The following LYPD6B variants were observed in gnomAD, a reference collection of about 807,000 sequenced individuals.
LYPD6B encodes the protein LY6/PLAUR domain containing 6B, also known as ly6/PLAUR domain-containing protein 6B.
In LYPD6B, 17 loss-of-function variants were observed where a neutral mutation model predicts 22.8. The observed-to-expected ratio is 0.75, with a 90% CI of 0.51 to 1.12. LYPD6B has a LOEUF of 1.12. LYPD6B is among the 50% of genes most tolerant of loss of function. The pLI, the probability that LYPD6B is intolerant of heterozygous loss-of-function variation, is 0.00. For missense variants in LYPD6B, 221 were observed against 258.3 expected, an observed-to-expected ratio of 0.86 and a Z score of 0.99; for synonymous variants, 106 against 91.6, an observed-to-expected ratio of 1.16 and a Z score of -0.90.
intron 1 of LYPD6B, among the ~76,000 whole-genome samples, chr2:149,088,070 C>T (rs922775429): frequency 6.8e-6 from 1 of 148,046 alleles, no homozygotes; most frequent in African/African-American, 2.5e-5. Flanking sequence ...TTGCTCCCTC[C>T]CCTCCAGTAA....
At position 149,073,764 on chromosome 2, in the gene LYPD6B, C is replaced by T. The variant is rs540768488; in HGVS notation, c.-67+34963C>T. Among the ~76,000 whole-genome samples, 7 of 152,114 alleles carry T rather than the reference C, an allele frequency of 4.6e-5. No homozygotes were observed. In the South Asian group the frequency reaches 1.5e-3, roughly 32 times the overall value. ...AACTCTGCAGGCAGGGTGATGCACT[C>T]AGATTCTCTCCAGCCTGGATTTGCC... On this transcript the variant is annotated intron_variant, in intron 1 of 6. Transcript: ENST00000409642.
At chr2:149,072,488 TTTTA>T (rs1272992064) in intron 1 of LYPD6B, among the ~76,000 whole-genome samples, 6 of 108,590 alleles carry the variant, frequency 5.5e-5, no homozygotes, top group Non-Finnish European at 1.9e-5. Flanking sequence ...GTTATTTTTA[TTTTA>T]TTTTATTTTA....
At chr2:149,060,225 C>A (rs144115191) in intron 1 of LYPD6B, among the ~76,000 whole-genome samples, 26 of 152,256 alleles carry the variant, frequency 1.7e-4, no homozygotes, top group African/African-American at 5.1e-4. Context: ...AGCAACAGCT[C>A]CAGGTCCAGG....
intron 3 of LYPD6B, among the ~76,000 whole-genome samples, chr2:149,199,307 C>T (rs1477319838): frequency 1.3e-5 from 2 of 152,164 alleles, no homozygotes; most frequent in Admixed American, 6.5e-5. Context: ...AAATGTAGAA[C>T]CAGAATTTTC....
chr2:149,068,274 A>G (rs1396814774), intron 1 of LYPD6B, among the ~76,000 whole-genome samples: 5 of 152,114 alleles, frequency 3.3e-5, no homozygotes, highest in Non-Finnish European at 7.4e-5. Context: ...TATTATGTTA[A>G]ATGAAAAACT....
At chr2:149,155,665 A>G (rs1049034209) in intron 2 of LYPD6B, among the ~76,000 whole-genome samples, 7 of 152,146 alleles carry the variant, frequency 4.6e-5, no homozygotes, top group African/African-American at 1.7e-4. Flanking sequence ...TCATTCTACC[A>G]CTGTCACTTG....
chr2:149,049,424 G>A (rs1337065529), intron 1 of LYPD6B, among the ~76,000 whole-genome samples: 1 of 152,206 alleles, frequency 6.6e-6, no homozygotes, highest in East Asian at 1.9e-4. Context: ...CTTACAATAA[G>A]TCTTGTACCT....
At chr2:149,044,856 A>G (rs531866014) in intron 1 of LYPD6B, among the ~76,000 whole-genome samples, 23 of 152,116 alleles carry the variant, frequency 1.5e-4, no homozygotes, top group Non-Finnish European at 2.8e-4. Flanking sequence ...TTTACCATCA[A>G]CTGACAGAAC....
chr2:149,208,491 A>G, intron 5 of LYPD6B, 79 bp downstream of exon 5: 5 of 1,172,146 alleles, frequency 4.3e-6, no homozygotes, highest in Non-Finnish European at 6.3e-6. Context: ...TTCTTTAGGA[A>G]TCAGATGTAT....
At position 149,155,860 on chromosome 2, in the gene LYPD6B, A is replaced by G. The variant is rs181404971; in HGVS notation, c.6-4904A>G. On this transcript the variant is annotated intron_variant, in intron 2 of 6. Coordinates refer to ENST00000409642, the MANE Select transcript of LYPD6B (RefSeq NM_177964.5). ...CTCTCAGCACTAACAAAGGACATCA[A>G]TCACTTCTCCTGTGTGAACTCTTCC... is the stretch of plus-strand genomic sequence containing the variant. Among the ~76,000 whole-genome samples, 6 of 152,346 alleles carry G rather than the reference A, an allele frequency of 3.9e-5. No individual in the cohort carries two copies. The East Asian group carries it at 1.2e-3, about 29-fold the overall frequency.
At chr2:149,066,283 T>C (rs1044325271) in intron 1 of LYPD6B, among the ~76,000 whole-genome samples, 2 of 152,146 alleles carry the variant, frequency 1.3e-5, no homozygotes, top group Non-Finnish European at 2.9e-5. Context: ...TCCATTAACT[T>C]GTCATTTACA....
intron 2 of LYPD6B, chr2:149,142,188 G>C (rs396332): frequency 0.64 from 96,256 of 151,456 alleles, 30,639 homozygotes; most frequent in South Asian, 0.75. Flanking sequence ...GTGGCTCTGG[G>C]CAATGGCGTT....
Position 149,098,643 on chromosome 2 carries a change from A to AAAAAAAAAGAAAG in LYPD6B, c.-66-32234_-66-32233insAAGAAAGAAAAAA, listed in dbSNP as rs57783804. ...ACTCTGTCTCAAAAAAAAAAAAAAA[A>AAAAAAAAAGAAAG]AAAAAAGAAAAAAATGGCTTTGGTT... is the stretch of plus-strand genomic sequence containing the variant. On this transcript the variant is annotated intron_variant, in intron 1 of 6. Coordinates refer to ENST00000409642, the MANE Select transcript of LYPD6B (RefSeq NM_177964.5). 1.7e-3 allele frequency among the ~76,000 whole-genome samples: 216 copies of AAAAAAAAAGAAAG among 130,906 alleles called. 4 individuals are homozygous for AAAAAAAAAGAAAG. The highest frequency in any genetic ancestry group is 3.2e-3 in the African/African-American group (110 of 34,372). 85.9% of individuals were successfully genotyped at this position (130,906 alleles called of 152,430 possible).
chr2:149,082,803 G>C (rs1160530532), intron 1 of LYPD6B, among the ~76,000 whole-genome samples: 1 of 152,194 alleles, frequency 6.6e-6, no homozygotes, highest in Non-Finnish European at 1.5e-5. Context: ...GACTTCCATT[G>C]TGTGGTTAAT....
intron 3 of LYPD6B, chr2:149,187,738 A>T: frequency 4.7e-6 from 2 of 423,460 alleles, no homozygotes; most frequent in African/African-American, 4.1e-5. Flanking sequence ...TGATAAGCTG[A>T]AAAAAAGAAG....
chr2:149,076,582 C>G (rs1045490893), intron 1 of LYPD6B, among the ~76,000 whole-genome samples: 6 of 152,012 alleles, frequency 3.9e-5, no homozygotes, highest in Non-Finnish European at 8.8e-5. Context: ...AGTACTATGT[C>G]CATTTTATCA....
intron 1 of LYPD6B, among the ~76,000 whole-genome samples, chr2:149,073,207 T>C (rs749113525): frequency 8.5e-5 from 13 of 152,218 alleles, no homozygotes; most frequent in Non-Finnish European, 1.9e-4. Flanking sequence ...TGTGCAGTTG[T>C]AGCTTCTCTT....
In LYPD6B at chr2:149,178,438, C is replaced by T. The variant is rs537309955; in HGVS notation, c.77+17603C>T. ...CCTATCACTTTACTCCCCCCACCCC[C>T]GTGAAACTGAACAGTGCTACCTGAA... is the stretch of plus-strand genomic sequence containing the variant. On this transcript the variant is annotated intron_variant, in intron 3 of 6. Transcript: ENST00000409642. 1.2e-4 allele frequency among the ~76,000 whole-genome samples: 18 copies of T among 152,258 alleles called. No individual in the cohort carries two copies. The South Asian group carries it at 3.5e-3, about 30-fold the overall frequency.
intron 1 of LYPD6B, among the ~76,000 whole-genome samples, chr2:149,103,620 T>C (rs1216221144): frequency 6.6e-6 from 1 of 152,036 alleles, no homozygotes; most frequent in Admixed American, 6.6e-5. Context: ...CCAAATGTTT[T>C]CTCTTGCCCC....
Sources: gnomAD v4.1 joint callset for allele counts (sites outside exome capture counted in the v4.1 genomes callset) on GRCh38, gnomAD v4.1.1 for gene constraint, MANE v1.5 for transcripts, NCBI Gene and HGNC (gene_info 2026-07-23, HGNC 2026-07-21) for gene names.